Variants in CENPP observed in about 807,000 individuals in gnomAD.
CENPP encodes centromere protein P.
CENPP carries 24 observed loss-of-function variants against 35.6 expected under a neutral mutation model. The observed-to-expected ratio is 0.67, with a 90% CI of 0.49 to 0.95. CENPP has a LOEUF of 0.95. Among genes scored for constraint, CENPP ranks in the 40% least tolerant of loss-of-function variants. The probability of loss-of-function intolerance (pLI) is 0.00; values close to 1 mark genes in which losing one functional copy is unlikely to be tolerated. For synonymous variants in CENPP, 120 were observed against 125.5 expected (o/e 0.96, Z 0.29); for missense variants, 332 against 345.3 (o/e 0.96, Z 0.31).
chr9:92,618,037 A>C lies in CENPP; in HGVS notation c.*4888A>C. The C allele has an allele frequency of 2.9e-6, 1 of 350,604 alleles. No individual in the cohort carries two copies. The allele number at this position is 350,604 out of a possible 1,614,324, so 21.7% of individuals were successfully genotyped here. On this transcript the variant is annotated 3_prime_UTR_variant, in exon 8 of 8. Transcript: ENST00000375587. The stretch of plus-strand genomic sequence containing the variant: ...CCAGGTATCTCAAGACGCCAAGATG[A>C]CTCATGATAAATCCCAGCCTTAGTT...
intron 5 of CENPP, among the ~76,000 whole-genome samples, chr9:92,397,346 A>G (rs1339773699): frequency 1.3e-5 from 2 of 152,130 alleles, no homozygotes; most frequent in East Asian, 3.9e-4. Flanking sequence ...ATTTGTTTTT[A>G]AGACAGAGTC....
At position 92,332,257 on chromosome 9, in the gene CENPP, A is replaced by C. The variant is rs1564261950; in HGVS notation, c.195A>C (p.Ser65=). The C allele has an allele frequency of 5.6e-6, 9 of 1,613,154 alleles. No individual in the cohort carries two copies. Among genetic ancestry groups the C allele is most frequent in the Non-Finnish European group, 7.6e-6 (9 of 1,179,392 alleles). Residue 65 remains serine, a synonymous_variant, in exon 2 of 8, where the codon TCA becomes TCC. Transcript: ENST00000375587. ...DLKNQLGHLE[S]ELSFLSTLTG... Reference sequence around the variant, plus strand: ...AAAATCAGCTTGGACATTTAGAATCAGAACTTTCATTTCTAAGTACGCTTA... The same window carrying C: ...AAAATCAGCTTGGACATTTAGAATCCGAACTTTCATTTCTAAGTACGCTTA...
intron 5 of CENPP, chr9:92,466,700 A>G (rs1845328331): frequency 1.2e-6 from 1 of 815,698 alleles, no homozygotes; most frequent in East Asian, 2.5e-5. Flanking sequence ...CCCATGTAAA[A>G]ACTTTCCCAG....
chr9:92,364,127 G>A (rs901715944), intron 4 of CENPP, among the ~76,000 whole-genome samples: 27 of 152,064 alleles, frequency 1.8e-4, no homozygotes, highest in African/African-American at 5.5e-4. Context: ...TGGGATTATA[G>A]GCATGAGCCA....
At chr9:92,609,744 T>G (rs941630226) in intron 5 of CENPP, among the ~76,000 whole-genome samples, 8 of 152,232 alleles carry the variant, frequency 5.3e-5, no homozygotes, top group Non-Finnish European at 8.8e-5. Context: ...GTGTGTGTGT[T>G]TTTGTTTTTG....
chr9:92,345,629 A>G, intron 3 of CENPP, 70 bp from the exon 4 acceptor site: 3 of 819,654 alleles, frequency 3.7e-6, no homozygotes, highest in Non-Finnish European at 4.0e-6. Context: ...CATTTTGCAT[A>G]TTTCAAAAGT....
At chr9:92,424,381 T>TC (rs1353615704) in intron 5 of CENPP, 5 of 152,152 alleles carry the variant, frequency 3.3e-5, no homozygotes, top group Non-Finnish European at 5.9e-5. Context: ...TGGAAAACAC[T>TC]CGGGTTGAAT....
At chr9:92,403,208 C>G (rs778222595) in intron 5 of CENPP, 81 of 1,470,036 alleles carry the variant, frequency 5.5e-5, no homozygotes, top group Non-Finnish European at 7.1e-5. Context: ...ATTTTAGAAG[C>G]TAAATTTAGA....
chr9:92,522,579 T>C (rs1473383900), intron 5 of CENPP: 1 of 1,608,492 alleles, frequency 6.2e-7, no homozygotes, highest in African/African-American at 1.3e-5. Context: ...TCTTACCTGG[T>C]AACACATTAT....
intron 5 of CENPP, among the ~76,000 whole-genome samples, chr9:92,546,409 C>G (rs536190017): frequency 2.0e-5 from 3 of 152,202 alleles, no homozygotes; most frequent in Admixed American, 1.3e-4. Flanking sequence ...TTTGGGTCCA[C>G]GCTGACTTTA....
At chr9:92,584,165 C>G (rs922440649) in intron 5 of CENPP, among the ~76,000 whole-genome samples, 1 of 152,196 alleles carries the variant, frequency 6.6e-6, no homozygotes, top group Non-Finnish European at 1.5e-5. Context: ...TCAAATGACT[C>G]CCATCTGCAG....
intron 4 of CENPP, 43 bp from the exon 5 acceptor site, chr9:92,379,720 A>G: frequency 7.1e-7 from 1 of 1,405,344 alleles, no homozygotes; most frequent in East Asian, 2.3e-5. Flanking sequence ...TGGGTCTATC[A>G]TTTAATGATA....
At chr9:92,494,104 A>G in intron 5 of CENPP, 3 of 1,597,920 alleles carry the variant, frequency 1.9e-6, no homozygotes, top group Non-Finnish European at 1.7e-6. Context: ...GAAAGGCCAC[A>G]TCTGATCTGT....
chr9:92,344,740 G>C (rs1216293502), intron 3 of CENPP, among the ~76,000 whole-genome samples: 1 of 151,234 alleles, frequency 6.6e-6, no homozygotes, highest in East Asian at 2.0e-4. Context: ...GTAGAGACGG[G>C]GTTTCACCGT....
intron 3 of CENPP, among the ~76,000 whole-genome samples, chr9:92,337,981 T>G (rs985295972): frequency 8.5e-5 from 13 of 152,182 alleles, no homozygotes; most frequent in African/African-American, 3.1e-4. Flanking sequence ...TATCTATTGC[T>G]GCTTAACCAG....
intron 5 of CENPP, among the ~76,000 whole-genome samples, chr9:92,599,427 TTTTG>T (rs1850856315): frequency 6.6e-6 from 1 of 152,100 alleles, no homozygotes; most frequent in Admixed American, 6.5e-5. Flanking sequence ...TTGTTTTTGT[TTTTG>T]TTTGAGACAG....
chr9:92,386,914 G>C (rs1443461221), intron 5 of CENPP, among the ~76,000 whole-genome samples: 1 of 151,878 alleles, frequency 6.6e-6, no homozygotes, highest in Non-Finnish European at 1.5e-5. Context: ...CAGGCGTGGT[G>C]GTGGGCGCCT....
At chr9:92,363,602 T>C (rs1841817234) in intron 4 of CENPP, among the ~76,000 whole-genome samples, 1 of 152,194 alleles carries the variant, frequency 6.6e-6, no homozygotes, top group Admixed American at 6.5e-5. Context: ...GACAATGCAT[T>C]TATCAGAATG....
intron 5 of CENPP, among the ~76,000 whole-genome samples, chr9:92,508,868 C>T (rs1228667964): frequency 6.6e-6 from 1 of 151,786 alleles, no homozygotes; most frequent in Admixed American, 6.6e-5. Flanking sequence ...TAAATAAAAA[C>T]ATAATATGTT....
Sources: allele counts gnomAD v4.1 joint callset (sites outside exome capture counted in the v4.1 genomes callset), GRCh38; gene constraint gnomAD v4.1.1; transcripts MANE v1.5; gene names NCBI Gene and HGNC (gene_info 2026-07-23, HGNC 2026-07-21).